IL31RA: variants seen among roughly 807,000 people sequenced by gnomAD.
IL31RA encodes interleukin 31 receptor A.
A neutral mutation model predicts 83.7 loss-of-function variants in IL31RA; 66 were observed. The ratio of observed to expected loss-of-function variants is 0.79; its 90% CI spans 0.65 to 0.97. IL31RA has a LOEUF of 0.97. Among genes scored for constraint, IL31RA ranks in the 50% least tolerant of loss-of-function variants. IL31RA has a pLI of 0.00. For synonymous variants in IL31RA, 325 were observed against 329.0 expected (o/e 0.99, Z 0.13); for missense variants, 798 against 919.4 (o/e 0.87, Z 1.71).
chr5:55,851,324 G>A (rs983620327), upstream of IL31RA: 6 of 584,750 alleles, frequency 1.0e-5, no homozygotes, highest in Admixed American at 2.9e-5. Flanking sequence ...CCTGAATAGA[G>A]CTTATTTAAC....
intron 4 of IL31RA, among the ~76,000 whole-genome samples, chr5:55,880,992 G>A (rs906175019): frequency 2.0e-5 from 3 of 152,160 alleles, no homozygotes; most frequent in African/African-American, 7.2e-5. Flanking sequence ...TTTTAGAGCA[G>A]GAGTGGAAGT....
chr5:55,912,324 T>C (rs1749545163), intron 12 of IL31RA, among the ~76,000 whole-genome samples: 2 of 152,248 alleles, frequency 1.3e-5, no homozygotes, highest in Admixed American at 1.3e-4. Context: ...TGTCCCTTAC[T>C]GACCACATTT....
chr5:55,853,977 G>T (rs929223835), intron 1 of IL31RA, among the ~76,000 whole-genome samples: 1 of 152,194 alleles, frequency 6.6e-6, no homozygotes, highest in Non-Finnish European at 1.5e-5. Context: ...GAATAAGACA[G>T]TCGTGAGTTT....
intron 1 of IL31RA, among the ~76,000 whole-genome samples, chr5:55,852,671 A>C (rs916829100): frequency 6.6e-6 from 1 of 152,134 alleles, no homozygotes; most frequent in African/African-American, 2.4e-5. Flanking sequence ...TCCCCGGTCT[A>C]TTTATTTCTC....
chr5:55,916,574 TA>T, intron 14 of IL31RA, 69 bp from the exon 15 acceptor site: 1 of 1,330,090 alleles, frequency 7.5e-7, no homozygotes, highest in South Asian at 1.2e-5. Context: ...GTCCCAAGCC[TA>T]ACGAGTTTTT....
In IL31RA at chr5:55,906,238, C is replaced by T; in HGVS notation, c.1202C>T (p.Thr401Ile). ...WFPDVDSEPT[T>I]LSWESVSQAT... ...CCGGATGTGGACTCAGAGCCCACCA[C>T]CCTTTCCTGGGAATCTGTGTCTCAG... Residue 401 changes from threonine to isoleucine, a missense_variant, in exon 9 of 15, where the codon ACC becomes ATC. Transcript: ENST00000652347. 1 of 1,614,170 alleles carries T rather than the reference C, an allele frequency of 6.2e-7. No individual in the cohort carries two copies. The highest frequency in any genetic ancestry group is 8.5e-7 in the Non-Finnish European group (1 of 1,180,014).
chr5:55,911,997 C>CT (rs1749523751), intron 12 of IL31RA, among the ~76,000 whole-genome samples: 1 of 152,116 alleles, frequency 6.6e-6, no homozygotes, highest in Non-Finnish European at 1.5e-5. Context: ...TCTAGGAACT[C>CT]TTTTTGATAT....
At chr5:55,876,286 G>T (rs1398384011) in intron 4 of IL31RA, among the ~76,000 whole-genome samples, 1 of 151,932 alleles carries the variant, frequency 6.6e-6, no homozygotes, top group Non-Finnish European at 1.5e-5. Context: ...CGCACCTGTA[G>T]TCCCAGCTAC....
chr5:55,844,687 G>A, the IL31RA span, among the ~76,000 whole-genome samples: 1 of 151,870 alleles, frequency 6.6e-6, no homozygotes, highest in Admixed American at 6.6e-5. Context: ...TGTTTTTACT[G>A]CTTTAAATAT....
Position 55,916,691 on chromosome 5 carries a change from C to T in IL31RA, c.1866C>T (p.Asp622=). The change falls in exon 15 of 15, where the codon GAC becomes GAT. Residue 622 remains aspartate (D), a synonymous_variant. Coordinates refer to ENST00000652347, the MANE Select transcript of IL31RA (RefSeq NM_139017.7). ...CTGATGACTCTGTGAACACAGAAGA[C>T]AGGATCTTAAAACCATGTTCCACCC... ...KESDDSVNTE[D]RILKPCSTPS... is the part of the protein sequence containing the mutation. 1 of 1,614,180 alleles carries T rather than the reference C, an allele frequency of 6.2e-7. No individual in the cohort carries two copies. The highest frequency in any genetic ancestry group is 8.5e-7 in the Non-Finnish European group (1 of 1,180,022).
the IL31RA span, among the ~76,000 whole-genome samples, chr5:55,842,057 G>A: frequency 6.6e-6 from 1 of 152,142 alleles, no homozygotes; most frequent in African/African-American, 2.4e-5. Flanking sequence ...TGGGATTACA[G>A]GCATGAGCCA....
chr5:55,908,617 A>G (rs1463196643), intron 11 of IL31RA: 1 of 1,549,784 alleles, frequency 6.5e-7, no homozygotes, highest in Non-Finnish European at 8.7e-7. Context: ...AAGTGACAGT[A>G]CCTGAGAGGA....
At chr5:55,869,404 T>G (rs1273117695) in intron 3 of IL31RA, among the ~76,000 whole-genome samples, 1 of 152,236 alleles carries the variant, frequency 6.6e-6, no homozygotes, top group African/African-American at 2.4e-5. Flanking sequence ...TTCTGTAGAA[T>G]GAAAATTTTA....
Position 55,865,914 on chromosome 5 carries a change from C to T in IL31RA, c.155-2877C>T, listed in dbSNP as rs531221787. On this transcript the variant is annotated intron_variant, in intron 2 of 14. Coordinates refer to ENST00000652347, the MANE Select transcript of IL31RA (RefSeq NM_139017.7). ...GCTTATGTGACTGCAGACTTGGATGCGTGGGAATAAGTCCTTGTGTTGCCC... is the reference window on the plus strand; with the variant it reads ...GCTTATGTGACTGCAGACTTGGATGTGTGGGAATAAGTCCTTGTGTTGCCC... 3.3e-5 allele frequency among the ~76,000 whole-genome samples: 5 copies of T among 152,306 alleles called. No individual in the cohort carries two copies. The East Asian group carries it at 7.7e-4, about 24-fold the overall frequency.
At chr5:55,886,698 C>T (rs374223044) in intron 5 of IL31RA, among the ~76,000 whole-genome samples, 57 of 152,308 alleles carry the variant, frequency 3.7e-4, no homozygotes, top group African/African-American at 1.3e-3. Context: ...AAATTATTAA[C>T]TCTGTGAGAC....
At position 55,890,058 on chromosome 5, in the gene IL31RA, C is replaced by T; in HGVS notation, c.695C>T (p.Ala232Val). 1 of 1,613,984 alleles carries T rather than the reference C, an allele frequency of 6.2e-7. No individual in the cohort carries two copies. Among genetic ancestry groups the T allele is most frequent in the Non-Finnish European group, 8.5e-7 (1 of 1,179,878 alleles). ...CAGCCTTTTACAGAATATGTCATAG[C>T]TCTGCGATGTGCGGTCAAGGAGTCA... ...GLQPFTEYVIALRCAVKESKF... is the reference protein window; with the variant it reads ...GLQPFTEYVIVLRCAVKESKF... The change falls in exon 6 of 15, where the codon GCT becomes GTT. Residue 232 changes from alanine (A) to valine (V), a missense_variant. Physicochemically the swap from Ala to Val is moderately conservative, Grantham distance 64. Coordinates refer to ENST00000652347, the MANE Select transcript of IL31RA (RefSeq NM_139017.7).
In IL31RA at chr5:55,867,201, G is replaced by GCA. The variant is rs1561543306; in HGVS notation, c.155-1590_155-1589insCA. ...TGTGCATGTGTGTTTGTGTGTGTTT[G>GCA]TGTGTGTGCGCATGTGTGTTTGTGT... On this transcript the variant is annotated intron_variant, in intron 2 of 14. Coordinates refer to ENST00000652347, the MANE Select transcript of IL31RA (RefSeq NM_139017.7). Among the ~76,000 whole-genome samples, 129 of 94,602 alleles carry GCA rather than the reference G, an allele frequency of 1.4e-3. 4 individuals are homozygous for GCA. The Middle Eastern group carries it at 0.018, about 13-fold the overall frequency. The allele number at this position is 94,602 out of a possible 152,430, so 62.1% of individuals were successfully genotyped here.
intron 2 of IL31RA, among the ~76,000 whole-genome samples, chr5:55,868,129 A>T (rs1386397771): frequency 2.0e-5 from 3 of 152,252 alleles, no homozygotes; most frequent in African/African-American, 7.2e-5. Flanking sequence ...CTAAATTTCA[A>T]CAGTAGGTTA....
chr5:55,859,536 C>T lies in IL31RA; in HGVS notation c.91C>T (p.Leu31=), dbSNP rs1455816571. 6.2e-7 allele frequency: 1 copy of T among 1,613,982 alleles called. No individual in the cohort carries two copies. Among genetic ancestry groups the T allele is most frequent in the Non-Finnish European group, 8.5e-7 (1 of 1,179,892 alleles). The change falls in exon 2 of 15, where the codon CTG becomes TTG. Residue 31 remains leucine, a synonymous_variant. Coordinates refer to ENST00000652347, the MANE Select transcript of IL31RA (RefSeq NM_139017.7). ...CTCTCCCCAGCCTTCATGTGTTAACCTGGGGATGATGTGGACCTGGGCACT... is the reference window on the plus strand; with the variant it reads ...CTCTCCCCAGCCTTCATGTGTTAACTTGGGGATGATGTGGACCTGGGCACT... ...ILSPQPSCVN[L]GMMWTWALWM... is the part of the protein sequence containing the mutation.
Sources: gnomAD v4.1 joint callset for allele counts (sites outside exome capture counted in the v4.1 genomes callset) on GRCh38, gnomAD v4.1.1 for gene constraint, MANE v1.5 for transcripts, NCBI Gene and HGNC (gene_info 2026-07-23, HGNC 2026-07-21) for gene names.